Variants in RC3H2 observed in about 807,000 individuals in gnomAD.
The protein encoded by RC3H2 is ring finger and CCCH-type domains 2.
In RC3H2, 31 loss-of-function variants were observed where a neutral mutation model predicts 133.3. The observed-to-expected ratio is 0.23, with a 90% CI of 0.17 to 0.31. The LOEUF (loss-of-function observed/expected upper bound fraction) is 0.31, where lower values mean the gene tolerates loss of function less well. Ranked by LOEUF, RC3H2 falls within the 10% of genes least tolerant of loss-of-function variation. The pLI is 1.00. For synonymous variants in RC3H2, 517 were observed against 502.2 expected (o/e 1.03, Z -0.40); for missense variants, 1,175 against 1,437.2 (o/e 0.82, Z 2.95).
intron 10 of RC3H2, among the ~76,000 whole-genome samples, chr9:122,862,122 A>G (rs1830477655): frequency 6.6e-6 from 1 of 152,214 alleles, no homozygotes; most frequent in South Asian, 2.1e-4. Flanking sequence ...TTATCAACAA[A>G]AAGGCAACAA....
At position 122,877,518 on chromosome 9, in the gene RC3H2, T is replaced by C; in HGVS notation, c.1278A>G (p.Pro426=). The stretch of plus-strand genomic sequence containing the variant: ...GGGCAAATGTACAATTTGTTCCTCG[T>C]GGACAACCCCCTTGCTGTCGCAAAT... ...CRDLRQQGGC[P]RGTNCTFAHS... is the part of the protein sequence containing the mutation. Residue 426 remains proline (P), a synonymous_variant, in exon 9 of 21, where the codon CCA becomes CCG. Coordinates refer to ENST00000357244, the MANE Select transcript of RC3H2 (RefSeq NM_001100588.3). 6.2e-7 allele frequency: 1 copy of C among 1,614,218 alleles called. No homozygotes were observed. Among genetic ancestry groups the C allele is most frequent in the South Asian group, 1.1e-5 (1 of 91,086 alleles).
chr9:122,902,978 C>A (rs975632382), intron 1 of RC3H2, among the ~76,000 whole-genome samples: 1 of 151,796 alleles, frequency 6.6e-6, no homozygotes, highest in African/African-American at 2.4e-5. Context: ...TAAAAAAAAT[C>A]TTGGTACTAA....
Position 122,890,150 on chromosome 9 carries a change from A to T in RC3H2, c.583+162T>A, listed in dbSNP as rs10818758. The T allele has an allele frequency of 8.4e-4, 549 of 655,724 alleles. 2 individuals are homozygous for T. Among genetic ancestry groups the T allele is most frequent in the Non-Finnish European group, 1.1e-3 (409 of 376,258 alleles). 40.6% of individuals were successfully genotyped at this position (655,724 alleles called of 1,614,324 possible). On this transcript the variant is annotated intron_variant, in intron 4 of 20. Transcript: ENST00000357244. ...AGTGAGACCCTGTCTCAAACAAAAC[A>T]AAACAGCAATAACAACAACAACAAA...
At chr9:122,868,360 A>G (rs1316069816) in intron 9 of RC3H2, among the ~76,000 whole-genome samples, 3 of 152,206 alleles carry the variant, frequency 2.0e-5, no homozygotes, top group African/African-American at 7.2e-5. Flanking sequence ...TGTGGAAAGA[A>G]GTAGACATGG....
rs1481148494 is a variant in RC3H2, at chr9:122,879,745, A to G, written c.1212+10T>C. On this transcript the variant is annotated intron_variant, in intron 8 of 20. Coordinates refer to ENST00000357244, the MANE Select transcript of RC3H2 (RefSeq NM_001100588.3). Reference sequence around the variant, plus strand: ...ACAACAGCAGTCAGAAATGTAATAAATGTACTTACCTGAGGGGTCTCATGG... The same window carrying G: ...ACAACAGCAGTCAGAAATGTAATAAGTGTACTTACCTGAGGGGTCTCATGG... 2.6e-6 allele frequency: 4 copies of G among 1,542,510 alleles called. No homozygotes were observed. In the African/African-American group the frequency reaches 5.5e-5, roughly 21 times the overall value.
In RC3H2 at chr9:122,857,981, A is replaced by C; in HGVS notation, c.2396T>G (p.Val799Gly). 6.2e-7 allele frequency: 1 copy of C among 1,614,174 alleles called. No homozygotes were observed. Among genetic ancestry groups the C allele is most frequent in the South Asian group, 1.1e-5 (1 of 91,078 alleles). Residue 799 changes from valine to glycine, a missense_variant, in exon 13 of 21, where the codon GTG (valine) becomes GGG (glycine). Val to Gly is a moderately radical substitution (Grantham distance 109). Around this residue, in one of 8 missense-constraint regions of RC3H2, gnomAD observed 490 missense variants for 492.8 expected, o/e 0.99. Transcript: ENST00000357244. ...AGGTGGTGTTGGTGACTGTGTTGCCACAGGAAGAGTTGAAGAGACAAGAGG... is the reference window on the plus strand; with the variant it reads ...AGGTGGTGTTGGTGACTGTGTTGCCCCAGGAAGAGTTGAAGAGACAAGAGG... ...KAPLVSSTLP[V>G]ATQSPTPPSP... is the part of the protein sequence containing the mutation.
intron 10 of RC3H2, among the ~76,000 whole-genome samples, chr9:122,862,104 T>C (rs1181123146): frequency 6.6e-6 from 1 of 152,170 alleles, no homozygotes; most frequent in Non-Finnish European, 1.5e-5. Flanking sequence ...AATGGTAAAC[T>C]CATAGACTTA....
Position 122,854,281 on chromosome 9 carries a change from A to G in RC3H2, c.2901-15T>C. 1.3e-6 allele frequency: 2 copies of G among 1,590,392 alleles called. No homozygotes were observed. The highest frequency in any genetic ancestry group is 4.5e-5 in the East Asian group (2 of 44,772). ...TGAATCTGTCCCTTTAAAGAGAAAT[A>G]TGTTTATTGTAATAAAAGTGAAGTG... On this transcript the variant is annotated splice_polypyrimidine_tract_variant and intron_variant, in intron 16 of 20. Coordinates refer to ENST00000357244, the MANE Select transcript of RC3H2 (RefSeq NM_001100588.3).
chr9:122,864,070 C>G (rs1028069089), intron 10 of RC3H2, among the ~76,000 whole-genome samples: 2 of 152,192 alleles, frequency 1.3e-5, no homozygotes, highest in East Asian at 1.9e-4. Flanking sequence ...TCTCCCCCAT[C>G]ATGTGCTGAC....
At chr9:122,880,974 A>G (rs935726122) in intron 5 of RC3H2, among the ~76,000 whole-genome samples, 180 bp from the exon 6 acceptor site, 3 of 152,252 alleles carry the variant, frequency 2.0e-5, no homozygotes, top group Non-Finnish European at 2.9e-5. Flanking sequence ...CAGAACTTAC[A>G]TAACTAAATA....
intron 1 of RC3H2, among the ~76,000 whole-genome samples, chr9:122,900,876 G>A (rs1215255093): frequency 6.6e-6 from 1 of 152,156 alleles, no homozygotes; most frequent in African/African-American, 2.4e-5. Flanking sequence ...AAGCATAGGA[G>A]TGAGAAATGC....
At chr9:122,855,099 T>G (rs1255832544) in intron 15 of RC3H2, 85 bp downstream of exon 15, 5 of 1,063,562 alleles carry the variant, frequency 4.7e-6, no homozygotes, top group African/African-American at 3.5e-5. Flanking sequence ...GGCAACAGAG[T>G]GAGACTCTGT....
chr9:122,851,991 C>A (rs1273636026), intron 18 of RC3H2, among the ~76,000 whole-genome samples: 1 of 150,776 alleles, frequency 6.6e-6, no homozygotes, highest in African/African-American at 2.4e-5. Flanking sequence ...CTCTGCCTGG[C>A]TGCCCAGTCT....
chr9:122,849,488 G>C lies in RC3H2; in HGVS notation c.*139C>G. On this transcript the variant is annotated 3_prime_UTR_variant, in exon 21 of 21. Coordinates refer to ENST00000357244, the MANE Select transcript of RC3H2 (RefSeq NM_001100588.3). ...ATGCAAGAGGGCTTGAAGTATCAAA[G>C]AGTCCACAGGAAATGGATGCCCCCA... 4.0e-6 allele frequency: 1 copy of C among 247,582 alleles called. No homozygotes were observed. The highest frequency in any genetic ancestry group is 2.3e-5 in the African/African-American group (1 of 43,146). The allele number at this position is 247,582 out of a possible 1,614,324, so 15.3% of individuals were successfully genotyped here. A position where few individuals can be genotyped will look rare whatever the true frequency, so the allele number is the denominator to read the frequency against.
Position 122,880,072 on chromosome 9 carries a change from C to T in RC3H2, c.1014G>A (p.Leu338=). ...AKSVQELTIV[L]QRTGDPANLN... ...AGTTAGCTGGGTCACCTGTTCGTTG[C>T]AAAACAATTGTCAATTCCTGGACAC... is the stretch of plus-strand genomic sequence containing the variant. The change falls in exon 7 of 21, where the codon TTG becomes TTA. Residue 338 remains leucine (L), a synonymous_variant. Transcript: ENST00000357244. 6.2e-7 allele frequency: 1 copy of T among 1,614,090 alleles called. No individual in the cohort carries two copies. The highest frequency in any genetic ancestry group is 1.1e-5 in the South Asian group (1 of 91,072).
chr9:122,852,435 G>A (rs1449247767), intron 18 of RC3H2, among the ~76,000 whole-genome samples: 6 of 143,588 alleles, frequency 4.2e-5, no homozygotes, highest in East Asian at 2.2e-4. Flanking sequence ...CTGGCCAGCC[G>A]CCCCGTCCGG....
At chr9:122,871,488 G>A (rs968811548) in intron 9 of RC3H2, among the ~76,000 whole-genome samples, 42 of 147,588 alleles carry the variant, frequency 2.8e-4, no homozygotes, top group Admixed American at 3.4e-4. Context: ...TAGTAGAGAC[G>A]GGGTTTCACC....
At chr9:122,868,216 C>T (rs1588074462) in intron 9 of RC3H2, among the ~76,000 whole-genome samples, 1 of 151,884 alleles carries the variant, frequency 6.6e-6, no homozygotes, top group Admixed American at 6.5e-5. Flanking sequence ...CCCCTCTGCC[C>T]GGCCACCACC....
chr9:122,885,187 T>C lies in RC3H2; in HGVS notation c.584-1808A>G, dbSNP rs188604601. On this transcript the variant is annotated intron_variant, in intron 4 of 20. Coordinates refer to ENST00000357244, the MANE Select transcript of RC3H2 (RefSeq NM_001100588.3). Reference sequence around the variant, plus strand: ...TTTTTAGGAAAACTAAATACTTTAGTTTTAAAGTATTAAAAGGAAAGGAGC... The same window carrying C: ...TTTTTAGGAAAACTAAATACTTTAGCTTTAAAGTATTAAAAGGAAAGGAGC... Among the ~76,000 whole-genome samples, 789 of 152,284 alleles carry C rather than the reference T, an allele frequency of 5.2e-3. 9 individuals carry two copies. Among genetic ancestry groups the C allele is most frequent in the Middle Eastern group, 0.01 (3 of 294 alleles).
Sources: gnomAD v4.1 joint callset for allele counts (sites outside exome capture counted in the v4.1 genomes callset) on GRCh38, gnomAD v4.1.1 for gene constraint, gnomAD v4.1.1 regional missense constraint, MANE v1.5 for transcripts, NCBI Gene and HGNC (gene_info 2026-07-23, HGNC 2026-07-21) for gene names.